Variants in SLC7A1 observed in about 807,000 individuals in gnomAD.
SLC7A1 encodes solute carrier family 7 member 1, also known as high affinity cationic amino acid transporter 1.
A neutral mutation model predicts 53.9 loss-of-function variants in SLC7A1; 10 were observed. The observed-to-expected ratio is 0.19, with a 90% CI of 0.11 to 0.31. SLC7A1 has a LOEUF of 0.31. Ranked by LOEUF, SLC7A1 falls within the 10% of genes least tolerant of loss-of-function variation. The pLI is 1.00. For synonymous variants in SLC7A1, 342 were observed against 338.7 expected (o/e 1.01, Z -0.11); for missense variants, 525 against 827.2 (o/e 0.63, Z 4.48).
chr13:29,592,865 A>G (rs924914846), intron 1 of SLC7A1, among the ~76,000 whole-genome samples: 5 of 152,120 alleles, frequency 3.3e-5, no homozygotes, highest in South Asian at 4.1e-4. Context: ...ATACCCCAGG[A>G]CCTTTGAACC....
In SLC7A1 at chr13:29,524,188, G is replaced by A. The variant is rs758719917; in HGVS notation, c.770C>T (p.Ser257Leu). Residue 257 changes from serine (S) to leucine (L), a missense_variant, in exon 6 of 13, where the codon TCG becomes TTG. Ser to Leu is a moderately radical substitution (Grantham distance 145). Around this residue, in one of 4 missense-constraint regions of SLC7A1, gnomAD observed 354 missense variants for 587.5 expected, o/e 0.60. Coordinates refer to ENST00000380752, the MANE Select transcript of SLC7A1 (RefSeq NM_003045.5). Reference sequence around the variant, plus strand: ...GGCATAGAAGCAAGTCGCTGCCCCCGACAGGACACCAGAGAACCCGAAGGG... The same window carrying A: ...GGCATAGAAGCAAGTCGCTGCCCCCAACAGGACACCAGAGAACCCGAAGGG... ...FMPFGFSGVL[S>L]GAATCFYAFV... 7 of 1,614,072 alleles carry A rather than the reference G, an allele frequency of 4.3e-6. No homozygotes were observed. Among genetic ancestry groups the A allele is most frequent in the African/African-American group, 1.3e-5 (1 of 75,034 alleles).
chr13:29,514,602 G>A lies in SLC7A1; in HGVS notation c.1787-19C>T. ...ATGAAGCCTGCGGGCCGACAGCAGA[G>A]ACGGGCGTGAACAGACCGCCGGTTG... On this transcript the variant is annotated intron_variant, in intron 12 of 12. Coordinates refer to ENST00000380752, the MANE Select transcript of SLC7A1 (RefSeq NM_003045.5). 1 of 1,582,798 alleles carries A rather than the reference G, an allele frequency of 6.3e-7. No individual in the cohort carries two copies. The highest frequency in any genetic ancestry group is 8.6e-7 in the Non-Finnish European group (1 of 1,163,796).
intron 1 of SLC7A1, among the ~76,000 whole-genome samples, chr13:29,559,930 T>C (rs1222919378): frequency 6.6e-6 from 1 of 152,076 alleles, no homozygotes. Context: ...TTAGCCAGGA[T>C]GGTCTCAATC....
At chr13:29,537,734 A>G (rs183148966) in intron 2 of SLC7A1, among the ~76,000 whole-genome samples, 25 of 152,340 alleles carry the variant, frequency 1.6e-4, no homozygotes, top group African/African-American at 6.0e-4. Context: ...AAACAACAGC[A>G]TGTGCACAGA....
At chr13:29,583,947 T>C (rs942812764) in intron 1 of SLC7A1, among the ~76,000 whole-genome samples, 1 of 152,134 alleles carries the variant, frequency 6.6e-6, no homozygotes, top group African/African-American at 2.4e-5. Context: ...ACAAAAAACC[T>C]AGCTGCTGAA....
At chr13:29,522,556 T>G in intron 7 of SLC7A1, 100 bp from the exon 8 acceptor site, 1 of 1,344,382 alleles carries the variant, frequency 7.4e-7, no homozygotes, top group Admixed American at 1.9e-5. Context: ...AGAGGGAGTC[T>G]GAGCTCACCA....
chr13:29,559,620 T>C (rs780977232), intron 1 of SLC7A1, among the ~76,000 whole-genome samples: 12 of 151,880 alleles, frequency 7.9e-5, no homozygotes, highest in Non-Finnish European at 1.6e-4. Context: ...CACTGTACAC[T>C]GAAGCTACAC....
chr13:29,571,908 C>T (rs1377915032), intron 1 of SLC7A1, among the ~76,000 whole-genome samples: 3 of 152,222 alleles, frequency 2.0e-5, no homozygotes, highest in East Asian at 1.9e-4. Context: ...CTCCAACCTG[C>T]TTGTATTAAG....
At chr13:29,544,833 G>A (rs547325618) in intron 2 of SLC7A1, among the ~76,000 whole-genome samples, 16 of 147,362 alleles carry the variant, frequency 1.1e-4, no homozygotes, top group South Asian at 2.2e-4. Flanking sequence ...GTGCCCTGTC[G>A]TAGGGGGCAC....
intron 1 of SLC7A1, among the ~76,000 whole-genome samples, chr13:29,587,447 T>A (rs912867775): frequency 6.6e-6 from 1 of 152,148 alleles, no homozygotes; most frequent in African/African-American, 2.4e-5. Context: ...TGGTAAAATT[T>A]CACATTTTAT....
At chr13:29,520,139 A>G (rs1868568006) in intron 8 of SLC7A1, among the ~76,000 whole-genome samples, 1 of 151,886 alleles carries the variant, frequency 6.6e-6, no homozygotes, top group Non-Finnish European at 1.5e-5. Flanking sequence ...CTATCCATCC[A>G]TCCATTCATC....
chr13:29,584,700 TAA>T (rs1205896298), intron 1 of SLC7A1, among the ~76,000 whole-genome samples: 1 of 152,134 alleles, frequency 6.6e-6, no homozygotes, highest in Admixed American at 6.5e-5. Context: ...TACACAGACT[TAA>T]AGACATTTAT....
At chr13:29,540,981 T>C (rs4769760) in intron 2 of SLC7A1, among the ~76,000 whole-genome samples, 49,365 of 152,038 alleles carry the variant, frequency 0.32, 8,751 homozygotes, top group East Asian at 0.69. Flanking sequence ...GGGCAGCTGC[T>C]CAGCAGTCAA....
Position 29,544,867 on chromosome 13 carries a change from C to CGGG in SLC7A1, c.-14-8668_-14-8666dup, listed in dbSNP as rs11305796. On this transcript the variant is annotated intron_variant, in intron 2 of 12. Transcript: ENST00000380752. ...ACAGGTGACATCGCACCTGCCTCAT[C>CGGG]GGGGGGGGGGGGCAAGCTCTTCCCA... Among the ~76,000 whole-genome samples the CGGG allele has an allele frequency of 1.5e-3, 168 of 115,524 alleles. 1 individual carries two copies. Among genetic ancestry groups the CGGG allele is most frequent in the Middle Eastern group, 4.3e-3 (1 of 234 alleles). 75.8% of individuals were successfully genotyped at this position (115,524 alleles called of 152,430 possible). A position where few individuals can be genotyped will look rare whatever the true frequency, so the allele number is the denominator to read the frequency against.
Position 29,514,113 on chromosome 13 carries a change from C to CGGGA in SLC7A1, c.*363_*366dup. The CGGGA allele has an allele frequency of 4.0e-6, 1 of 250,872 alleles. No individual in the cohort carries two copies. The highest frequency in any genetic ancestry group is 7.2e-5 in the South Asian group (1 of 13,856). The allele number at this position is 250,872 out of a possible 1,614,324, so 15.5% of individuals were successfully genotyped here. The stretch of plus-strand genomic sequence containing the variant: ...ACAATTTCAATCCCAGAACAGTCCC[C>CGGGA]GGGAGGAAGGCCTGGTTCCCAAGAT... On this transcript the variant is annotated 3_prime_UTR_variant, in exon 13 of 13. Coordinates refer to ENST00000380752, the MANE Select transcript of SLC7A1 (RefSeq NM_003045.5).
chr13:29,548,267 G>C (rs1158794053), intron 2 of SLC7A1, among the ~76,000 whole-genome samples: 1 of 152,244 alleles, frequency 6.6e-6, no homozygotes, highest in African/African-American at 2.4e-5. Context: ...TCAAAAGCTG[G>C]TGCTGTCTAA....
At chr13:29,543,351 G>A (rs1869752522) in intron 2 of SLC7A1, among the ~76,000 whole-genome samples, 1 of 152,222 alleles carries the variant, frequency 6.6e-6, no homozygotes, top group Non-Finnish European at 1.5e-5. Context: ...TCCACAAGCT[G>A]CAGGCAATGT....
chr13:29,519,608 G>A, intron 8 of SLC7A1, 59 bp from the exon 9 acceptor site: 1 of 1,060,212 alleles, frequency 9.4e-7, no homozygotes, highest in Non-Finnish European at 1.4e-6. Flanking sequence ...TGACAACCAG[G>A]ACCACCACTG....
intron 1 of SLC7A1, among the ~76,000 whole-genome samples, chr13:29,584,518 T>C: frequency 6.6e-6 from 1 of 152,220 alleles, no homozygotes; most frequent in South Asian, 2.1e-4. Context: ...ACAACAAATT[T>C]ATTTTTATTG....
Sources: gnomAD v4.1 joint callset for allele counts (sites outside exome capture counted in the v4.1 genomes callset) on GRCh38, gnomAD v4.1.1 for gene constraint, gnomAD v4.1.1 regional missense constraint, MANE v1.5 for transcripts, NCBI Gene and HGNC (gene_info 2026-07-23, HGNC 2026-07-21) for gene names.